Variants in COX7B2 observed in about 807,000 individuals in gnomAD.
COX7B2 encodes cytochrome c oxidase subunit 7B2, mitochondrial.
For synonymous variants in COX7B2, 37 were observed against 32.1 expected (o/e 1.15, Z -0.51); for missense variants, 109 against 95.9 (o/e 1.14, Z -0.57).
chr4:46,848,572 T>C (rs529819318), intron 1 of COX7B2, among the ~76,000 whole-genome samples: 1 of 152,172 alleles, frequency 6.6e-6, no homozygotes. Context: ...CCATAACTCT[T>C]TGAAAGCAAT....
intron 2 of COX7B2, among the ~76,000 whole-genome samples, chr4:46,751,906 T>TC (rs1715405655): frequency 6.6e-6 from 1 of 151,982 alleles, no homozygotes; most frequent in Non-Finnish European, 1.5e-5. Context: ...TACGGGCTCT[T>TC]TTTTGCTTCC....
chr4:46,771,752 C>T (rs948413530), intron 2 of COX7B2, among the ~76,000 whole-genome samples: 5 of 152,052 alleles, frequency 3.3e-5, no homozygotes, highest in African/African-American at 1.2e-4. Context: ...TCCAACCCCC[C>T]CACAACAATA....
intron 2 of COX7B2, among the ~76,000 whole-genome samples, chr4:46,818,293 T>A (rs1719654628): frequency 6.6e-6 from 1 of 152,110 alleles, no homozygotes; most frequent in Non-Finnish European, 1.5e-5. Flanking sequence ...GGTCCATTGT[T>A]CAGAGAATTG....
chr4:46,759,835 T>C (rs1233512146), intron 2 of COX7B2, among the ~76,000 whole-genome samples: 2 of 149,772 alleles, frequency 1.3e-5, no homozygotes, highest in Non-Finnish European at 3.0e-5. Context: ...TCATATCTTA[T>C]ATAAGTTATA....
chr4:46,746,232 G>C (rs1035837577), intron 2 of COX7B2, among the ~76,000 whole-genome samples: 1 of 152,172 alleles, frequency 6.6e-6, no homozygotes, highest in Non-Finnish European at 1.5e-5. Flanking sequence ...GAAGAACAAT[G>C]TGGGTAGAAA....
Position 46,791,045 on chromosome 4 carries a change from G to C in COX7B2, c.-50+53915C>G, listed in dbSNP as rs1475804670. ...GACACAATCTTGCTCTGCCACCCAGGCTGGAGTGCAGTGGCGCGATCTCGG... is the reference window on the plus strand; with the variant it reads ...GACACAATCTTGCTCTGCCACCCAGCCTGGAGTGCAGTGGCGCGATCTCGG... On this transcript the variant is annotated intron_variant, in intron 2 of 2. Coordinates refer to ENST00000355591, the MANE Select transcript of COX7B2 (RefSeq NM_130902.3). 2.0e-5 allele frequency among the ~76,000 whole-genome samples: 3 copies of C among 152,118 alleles called. No individual in the cohort carries two copies. In the East Asian group the frequency reaches 5.8e-4, roughly 29 times the overall value.
At chr4:46,867,160 T>A (rs542565775) in intron 1 of COX7B2, among the ~76,000 whole-genome samples, 3 of 152,232 alleles carry the variant, frequency 2.0e-5, no homozygotes, top group African/African-American at 4.8e-5. Flanking sequence ...GAAACAGATA[T>A]ACTGCCTTTG....
chr4:46,889,899 G>T (rs1213084461), intron 1 of COX7B2, among the ~76,000 whole-genome samples: 12 of 140,256 alleles, frequency 8.6e-5, no homozygotes, highest in Non-Finnish European at 1.7e-4. Flanking sequence ...TTTCAGTATG[G>T]TTTTTTTTTT....
At chr4:46,799,932 T>C (rs1342391225) in intron 2 of COX7B2, among the ~76,000 whole-genome samples, 2 of 152,150 alleles carry the variant, frequency 1.3e-5, no homozygotes, top group Non-Finnish European at 2.9e-5. Context: ...GTAGTAGCTC[T>C]TCTTTATACA....
chr4:46,776,915 T>C (rs967942089), intron 2 of COX7B2, among the ~76,000 whole-genome samples: 1 of 152,252 alleles, frequency 6.6e-6, no homozygotes, highest in African/African-American at 2.4e-5. Context: ...CCTCCTCCTT[T>C]TTACCTATGT....
At position 46,854,923 on chromosome 4, in the gene COX7B2, T is replaced by C. The variant is rs114962226; in HGVS notation, c.-104-9909A>G. Among the ~76,000 whole-genome samples the C allele has an allele frequency of 6.9e-3, 1,049 of 152,268 alleles. 9 individuals carry two copies. The highest frequency in any genetic ancestry group is 0.023 in the African/African-American group (962 of 41,530). ...TATAAACATCAAAAGCTAAGAGTGA[T>C]ATCAAGTTATCAGATTATATTTTTT... On this transcript the variant is annotated intron_variant, in intron 1 of 2. Transcript: ENST00000355591.
intron 2 of COX7B2, among the ~76,000 whole-genome samples, chr4:46,753,086 A>T (rs1715503005): frequency 6.6e-6 from 1 of 152,038 alleles, no homozygotes; most frequent in Non-Finnish European, 1.5e-5. Context: ...TTATTGCCTC[A>T]ATTTCAGAGC....
At chr4:46,879,255 G>C (rs149522917) in intron 1 of COX7B2, among the ~76,000 whole-genome samples, 191 of 152,030 alleles carry the variant, frequency 1.3e-3, no homozygotes, top group African/African-American at 4.0e-3. Flanking sequence ...AGCCTTCCAA[G>C]TAGCCTCTAG....
chr4:46,750,691 C>CA (rs201145840), intron 2 of COX7B2, among the ~76,000 whole-genome samples: 1 of 152,094 alleles, frequency 6.6e-6, no homozygotes. Context: ...GCTTAAACAA[C>CA]AAAAATACAT....
chr4:46,837,782 T>C (rs1303990678), intron 2 of COX7B2, among the ~76,000 whole-genome samples: 3 of 152,070 alleles, frequency 2.0e-5, no homozygotes, highest in East Asian at 3.9e-4. Context: ...TTCTGCTTTG[T>C]GTGTTCCTAT....
chr4:46,876,196 T>C (rs889658041), intron 1 of COX7B2, among the ~76,000 whole-genome samples: 1 of 152,182 alleles, frequency 6.6e-6, no homozygotes, highest in African/African-American at 2.4e-5. Context: ...GCTGTACAAT[T>C]ACCAGGGATA....
At chr4:46,803,487 C>T (rs929208645) in intron 2 of COX7B2, among the ~76,000 whole-genome samples, 4 of 152,070 alleles carry the variant, frequency 2.6e-5, no homozygotes, top group African/African-American at 9.7e-5. Context: ...TCAAATATTT[C>T]ATTAGTCATA....
intron 2 of COX7B2, among the ~76,000 whole-genome samples, chr4:46,796,237 G>T (rs1375726973): frequency 6.8e-6 from 1 of 147,698 alleles, no homozygotes; most frequent in Non-Finnish European, 1.5e-5. Context: ...CCAACACTAT[G>T]TTGAATAGGA....
intron 1 of COX7B2, among the ~76,000 whole-genome samples, chr4:46,900,509 G>C (rs9291294): frequency 0.24 from 36,956 of 151,986 alleles, 4,698 homozygotes; most frequent in East Asian, 0.29. Context: ...GAGGAGGGGG[G>C]TCTTATTTCT....
Sources: gnomAD v4.1 joint callset for allele counts (sites outside exome capture counted in the v4.1 genomes callset) on GRCh38, gnomAD v4.1.1 for gene constraint, MANE v1.5 for transcripts, NCBI Gene and HGNC (gene_info 2026-07-23, HGNC 2026-07-21) for gene names.